ADAMTS17: variants seen among roughly 807,000 people sequenced by gnomAD.
ADAMTS17 encodes the protein A disintegrin and metalloproteinase with thrombospondin motifs 17.
Under a neutral mutation model 141.5 loss-of-function variants are expected in ADAMTS17, and 113 were observed. The ratio of observed to expected loss-of-function variants is 0.80; its 90% CI spans 0.69 to 0.93. The LOEUF (loss-of-function observed/expected upper bound fraction) is 0.93. ADAMTS17 is among the 40% of genes least tolerant of loss of function. The pLI is 0.00. For missense variants in ADAMTS17, 1,659 were observed against 1,517.9 expected (o/e 1.09, Z -1.54); for synonymous variants, 768 against 630.6 (o/e 1.22, Z -3.27).
chr15:100,110,418 C>T (rs2036699023), intron 13 of ADAMTS17, among the ~76,000 whole-genome samples: 1 of 151,586 alleles, frequency 6.6e-6, no homozygotes, highest in Non-Finnish European at 1.5e-5. Flanking sequence ...GCACCCGCCA[C>T]CATGCCTGGC....
intron 7 of ADAMTS17, among the ~76,000 whole-genome samples, chr15:100,205,459 A>G (rs1034868466): frequency 6.6e-6 from 1 of 152,198 alleles, no homozygotes; most frequent in Non-Finnish European, 1.5e-5. Context: ...GATATCGTGC[A>G]GATTACCCAC....
chr15:100,169,940 T>A (rs567258280), intron 8 of ADAMTS17, among the ~76,000 whole-genome samples: 1 of 152,292 alleles, frequency 6.6e-6, no homozygotes, highest in Admixed American at 6.5e-5. Flanking sequence ...TTCCAGGGCA[T>A]TCAGGAGGCG....
At chr15:100,340,211 G>A (rs1359926825) in intron 2 of ADAMTS17, among the ~76,000 whole-genome samples, 1 of 152,248 alleles carries the variant, frequency 6.6e-6, no homozygotes, top group Non-Finnish European at 1.5e-5. Flanking sequence ...CTGGGCGCCA[G>A]TGTAGCCACA....
At chr15:100,125,568 T>C (rs1272564567) in intron 12 of ADAMTS17, among the ~76,000 whole-genome samples, 1 of 152,154 alleles carries the variant, frequency 6.6e-6, no homozygotes, top group African/African-American at 2.4e-5. Flanking sequence ...AGCTGGCTTT[T>C]CATACAAGTG....
chr15:100,340,247 C>A lies in ADAMTS17; in HGVS notation c.450+792G>T, dbSNP rs778861561. Among the ~76,000 whole-genome samples, 112 of 152,298 alleles carry A rather than the reference C, an allele frequency of 7.4e-4. 2 individuals are homozygous for A. The highest frequency in any genetic ancestry group is 1.4e-3 in the Non-Finnish European group (94 of 68,024). Reference sequence around the variant, plus strand: ...TGATCAAGTGTGCGCGCAGGCAGGGCAAGTGCACACAAGAACCCCCCCTCC... The same window carrying A: ...TGATCAAGTGTGCGCGCAGGCAGGGAAAGTGCACACAAGAACCCCCCCTCC... On this transcript the variant is annotated intron_variant, in intron 2 of 21. Coordinates refer to ENST00000268070, the MANE Select transcript of ADAMTS17 (RefSeq NM_139057.4).
At chr15:100,028,889 T>C (rs1282940391) in intron 18 of ADAMTS17, among the ~76,000 whole-genome samples, 1 of 152,272 alleles carries the variant, frequency 6.6e-6, no homozygotes, top group Non-Finnish European at 1.5e-5. Context: ...TTTGTCACTT[T>C]TAGCCTTAAC....
At chr15:100,290,799 C>A (rs2044602125) in intron 3 of ADAMTS17, among the ~76,000 whole-genome samples, 1 of 151,992 alleles carries the variant, frequency 6.6e-6, no homozygotes, top group African/African-American at 2.4e-5. Flanking sequence ...AACTTATTTG[C>A]AGAAGATTAA....
At chr15:100,178,581 T>C (rs1220073861) in intron 8 of ADAMTS17, among the ~76,000 whole-genome samples, 1 of 152,184 alleles carries the variant, frequency 6.6e-6, no homozygotes, top group African/African-American at 2.4e-5. Context: ...CCCATTCTGT[T>C]GTTCTTTTAC....
intron 7 of ADAMTS17, among the ~76,000 whole-genome samples, chr15:100,238,423 G>A (rs1004193538): frequency 1.3e-5 from 2 of 152,196 alleles, no homozygotes; most frequent in Non-Finnish European, 1.5e-5. Context: ...GTGTCCCCAG[G>A]GCTGGAGCCG....
At chr15:100,302,008 A>G (rs2045056982) in intron 3 of ADAMTS17, among the ~76,000 whole-genome samples, 1 of 152,170 alleles carries the variant, frequency 6.6e-6, no homozygotes, top group Non-Finnish European at 1.5e-5. Flanking sequence ...CACTCAGCAC[A>G]TTTTTAGAAC....
intron 10 of ADAMTS17, among the ~76,000 whole-genome samples, chr15:100,143,482 A>G (rs2038755212): frequency 6.6e-6 from 1 of 152,242 alleles, no homozygotes; most frequent in Admixed American, 6.5e-5. Flanking sequence ...AATGTTTATA[A>G]CTTTATGTTT....
At chr15:100,294,547 CAAA>C (rs781219628) in intron 3 of ADAMTS17, among the ~76,000 whole-genome samples, 1 of 129,476 alleles carries the variant, frequency 7.7e-6, no homozygotes. Flanking sequence ...CCAGCGTGGG[CAAA>C]AAAAAAAAAA....
chr15:100,088,809 C>G (rs1339646874), intron 15 of ADAMTS17, among the ~76,000 whole-genome samples: 8 of 152,174 alleles, frequency 5.3e-5, no homozygotes, highest in African/African-American at 1.9e-4. Flanking sequence ...GAAACTGGAT[C>G]CCTTCCTTAC....
chr15:100,181,177 T>C (rs1307510475), intron 8 of ADAMTS17, among the ~76,000 whole-genome samples: 1 of 152,096 alleles, frequency 6.6e-6, no homozygotes, highest in African/African-American at 2.4e-5. Context: ...TTGTGGTGAA[T>C]GCTGCCAGAC....
At chr15:100,151,370 A>T (rs2039155757) in intron 10 of ADAMTS17, among the ~76,000 whole-genome samples, 1 of 152,176 alleles carries the variant, frequency 6.6e-6, no homozygotes, top group South Asian at 2.1e-4. Context: ...GTTGTGTCCC[A>T]ATTTCCTAAA....
chr15:100,169,154 A>T (rs1234789768), intron 8 of ADAMTS17, among the ~76,000 whole-genome samples: 1 of 152,218 alleles, frequency 6.6e-6, no homozygotes, highest in Non-Finnish European at 1.5e-5. Flanking sequence ...AGCCCAAGGC[A>T]TTCAGAGAAC....
chr15:100,307,760 C>G (rs2045274302), intron 3 of ADAMTS17, among the ~76,000 whole-genome samples: 1 of 152,192 alleles, frequency 6.6e-6, no homozygotes, highest in Non-Finnish European at 1.5e-5. Flanking sequence ...CTGGCGTCCT[C>G]CACAAGCTTC....
intron 5 of ADAMTS17, among the ~76,000 whole-genome samples, chr15:100,262,023 C>T (rs780451974): frequency 2.0e-4 from 31 of 152,052 alleles, no homozygotes; most frequent in East Asian, 3.9e-4. Flanking sequence ...AAACTGGGGT[C>T]GAAGCTCTAA....
intron 18 of ADAMTS17, among the ~76,000 whole-genome samples, chr15:100,001,131 A>C (rs2060913622): frequency 6.6e-6 from 1 of 152,162 alleles, no homozygotes; most frequent in Admixed American, 6.5e-5. Context: ...AGCCAGGTTC[A>C]CTAGACTTCT....
Sources: allele counts gnomAD v4.1 joint callset (sites outside exome capture counted in the v4.1 genomes callset), GRCh38; gene constraint gnomAD v4.1.1; transcripts MANE v1.5; gene names NCBI Gene and HGNC (gene_info 2026-07-23, HGNC 2026-07-21).